The following RFX3 variants were observed in gnomAD, a reference collection of about 807,000 sequenced individuals.
RFX3 encodes transcription factor RFX3.
RFX3 carries 14 observed loss-of-function variants against 98.6 expected under a neutral mutation model. The ratio of observed to expected loss-of-function variants is 0.14; its 90% CI spans 0.09 to 0.22. RFX3 has a LOEUF of 0.22. RFX3 is among the 10% of genes least tolerant of loss of function. The pLI, the probability that RFX3 is intolerant of heterozygous loss-of-function variation, is 1.00. For synonymous variants in RFX3, 383 were observed against 328.4 expected, an observed-to-expected ratio of 1.17 and a Z score of -1.80; for missense variants, 639 against 926.9, an observed-to-expected ratio of 0.69 and a Z score of 4.03.
In RFX3 at chr9:3,399,316, C is replaced by A. The variant is rs148518040; in HGVS notation, c.-8-3720G>T. 6.4e-3 allele frequency among the ~76,000 whole-genome samples: 957 copies of A among 150,556 alleles called. 11 individuals carry two copies. The highest frequency in any genetic ancestry group is 0.022 in the African/African-American group (917 of 40,934). ...AAAATCAGCTGGTCATGGTGGTGGG[C>A]ACCTGTAATCCCAGCTACTATGGAG... On this transcript the variant is annotated intron_variant, in intron 1 of 16. Transcript: ENST00000617270.
chr9:3,391,347 G>A (rs1166011209), intron 2 of RFX3, among the ~76,000 whole-genome samples: 2 of 151,950 alleles, frequency 1.3e-5, no homozygotes, highest in South Asian at 2.1e-4. Context: ...GAAAAATAAC[G>A]ACAAAGAAGA....
intron 3 of RFX3, among the ~76,000 whole-genome samples, chr9:3,333,452 T>TTTG (rs1563942017): frequency 5.9e-5 from 9 of 151,376 alleles, no homozygotes; most frequent in African/African-American, 2.2e-4. Context: ...TTTTTTTTTT[T>TTTG]CCAGATAGAA....
chr9:3,477,956 A>T (rs757181779), intron 1 of RFX3, among the ~76,000 whole-genome samples: 4 of 152,024 alleles, frequency 2.6e-5, no homozygotes, highest in Non-Finnish European at 4.4e-5. Flanking sequence ...CATTTCAGTT[A>T]TTATACTTTT....
intron 1 of RFX3, among the ~76,000 whole-genome samples, chr9:3,430,672 A>G (rs1844577423): frequency 6.6e-6 from 1 of 152,200 alleles, no homozygotes; most frequent in African/African-American, 2.4e-5. Context: ...TGTTTTATAT[A>G]TCAGACTTCA....
intron 2 of RFX3, among the ~76,000 whole-genome samples, chr9:3,361,160 T>C (rs1268056125): frequency 6.6e-6 from 1 of 152,158 alleles, no homozygotes; most frequent in Non-Finnish European, 1.5e-5. Flanking sequence ...GCTATGTGAC[T>C]GACTAAATGT....
intron 2 of RFX3, among the ~76,000 whole-genome samples, chr9:3,353,195 T>C (rs1389894106): frequency 4.4e-5 from 3 of 68,392 alleles, no homozygotes; most frequent in Non-Finnish European, 8.4e-5. Flanking sequence ...TGGGGACTGT[T>C]GTGGGGTAGG....
intron 14 of RFX3, among the ~76,000 whole-genome samples, chr9:3,250,200 C>T (rs937761474): frequency 7.2e-5 from 11 of 151,790 alleles, no homozygotes; most frequent in African/African-American, 2.2e-4. Flanking sequence ...TGTTACATAA[C>T]GTTTTTACCC....
chr9:3,468,118 A>C (rs547401724), intron 1 of RFX3, among the ~76,000 whole-genome samples: 20 of 152,320 alleles, frequency 1.3e-4, no homozygotes, highest in African/African-American at 4.6e-4. Context: ...GGTATTTTCC[A>C]TGAAAGATAA....
chr9:3,253,742 C>T (rs2131055331), intron 14 of RFX3, among the ~76,000 whole-genome samples: 1 of 152,122 alleles, frequency 6.6e-6, no homozygotes, highest in East Asian at 1.9e-4. Flanking sequence ...GATTAAGCAT[C>T]TGATTTCAGA....
rs559844941 is a variant in RFX3 at position 3,460,299 on chromosome 9, T to C, written c.-8-64703A>G. On this transcript the variant is annotated intron_variant, in intron 1 of 16. Coordinates refer to ENST00000617270, the MANE Select transcript of RFX3 (RefSeq NM_001282116.2). The stretch of plus-strand genomic sequence containing the variant: ...CAAATTAAATTATATGTTACTAAAA[T>C]GCTCAATTTTCTTATGAGATGCAAA... Among the ~76,000 whole-genome samples the C allele has an allele frequency of 2.4e-4, 37 of 152,180 alleles. No individual in the cohort carries two copies. The South Asian group carries it at 7.0e-3, about 29-fold the overall frequency.
intron 5 of RFX3, among the ~76,000 whole-genome samples, chr9:3,299,962 C>T (rs1349130003): frequency 6.6e-6 from 1 of 150,586 alleles, no homozygotes; most frequent in African/African-American, 2.4e-5. Flanking sequence ...TATGAAAGCA[C>T]AACTTGGAAG....
intron 1 of RFX3, among the ~76,000 whole-genome samples, chr9:3,433,679 T>C (rs894327309): frequency 1.3e-5 from 2 of 152,192 alleles, no homozygotes; most frequent in African/African-American, 4.8e-5. Flanking sequence ...AACCAATGTT[T>C]TTCAGAACTG....
At chr9:3,441,998 G>A (rs145492124) in intron 1 of RFX3, among the ~76,000 whole-genome samples, 1,646 of 152,142 alleles carry the variant, frequency 0.011, 26 homozygotes, top group African/African-American at 0.037. Context: ...TCAGGAGTTC[G>A]AGACCAGCCT....
chr9:3,279,301 C>T (rs1363887715), intron 7 of RFX3, among the ~76,000 whole-genome samples: 1 of 151,668 alleles, frequency 6.6e-6, no homozygotes, highest in Non-Finnish European at 1.5e-5. Flanking sequence ...GGAATTGTGT[C>T]TCATTAATAA....
At chr9:3,304,871 T>C (rs909715879) in intron 4 of RFX3, among the ~76,000 whole-genome samples, 2 of 152,026 alleles carry the variant, frequency 1.3e-5, no homozygotes, top group East Asian at 3.9e-4. Context: ...GTAACAAAAA[T>C]ACAAGCATAG....
chr9:3,265,671 G>C (rs969462957), intron 12 of RFX3, among the ~76,000 whole-genome samples: 1 of 152,158 alleles, frequency 6.6e-6, no homozygotes, highest in African/African-American at 2.4e-5. Flanking sequence ...CCACATTCCT[G>C]AGATATATTG....
intron 15 of RFX3, among the ~76,000 whole-genome samples, chr9:3,229,979 G>C (rs1818268634): frequency 6.6e-6 from 1 of 152,092 alleles, no homozygotes; most frequent in Non-Finnish European, 1.5e-5. Context: ...CCAAGGTCCA[G>C]GGTTCTGGAA....
chr9:3,255,718 T>C (rs956705231), intron 14 of RFX3, among the ~76,000 whole-genome samples: 2 of 152,212 alleles, frequency 1.3e-5, no homozygotes, highest in African/African-American at 4.8e-5. Flanking sequence ...TTTTTAATCT[T>C]TGTGGCCGAG....
chr9:3,330,424 C>G lies in RFX3; in HGVS notation c.309G>C (p.Val103=), dbSNP rs1217018712. 6.2e-7 allele frequency: 1 copy of G among 1,613,996 alleles called. No individual in the cohort carries two copies. The highest frequency in any genetic ancestry group is 1.3e-5 in the African/African-American group (1 of 74,906). ...YFDTQGSSAQ[V]TTVVSSHSMV... is the part of the protein sequence containing the mutation. ...TACTGTGGGATGAGACCACGGTAGT[C>G]ACCTGGGCGGAACTCCCTTGAGTAT... Residue 103 remains valine (V), a synonymous_variant, in exon 4 of 17, where the codon GTG becomes GTC. Coordinates refer to ENST00000617270, the MANE Select transcript of RFX3 (RefSeq NM_001282116.2).
Sources: gnomAD v4.1 joint callset for allele counts (sites outside exome capture counted in the v4.1 genomes callset) on GRCh38, gnomAD v4.1.1 for gene constraint, MANE v1.5 for transcripts, NCBI Gene and HGNC (gene_info 2026-07-23, HGNC 2026-07-21) for gene names.